PDE1C: variants seen among roughly 807,000 people sequenced by gnomAD.
PDE1C encodes phosphodiesterase 1C, also known as dual specificity calcium/calmodulin-dependent 3',5'-cyclic nucleotide phosphodiesterase 1C.
PDE1C carries 62 observed loss-of-function variants against 93.1 expected under a neutral mutation model. That is an observed-to-expected ratio of 0.67 (90% CI 0.54 to 0.82). PDE1C has a LOEUF of 0.82. PDE1C is among the 40% of genes least tolerant of loss of function. PDE1C has a pLI of 0.00. For synonymous variants in PDE1C, 325 were observed against 310.1 expected, an observed-to-expected ratio of 1.05 and a Z score of -0.50; for missense variants, 742 against 884.6, an observed-to-expected ratio of 0.84 and a Z score of 2.04.
At chr7:31,981,302 G>T (rs576471035) in intron 2 of PDE1C, among the ~76,000 whole-genome samples, 127 of 152,230 alleles carry the variant, frequency 8.3e-4, no homozygotes, top group Middle Eastern at 3.4e-3. Flanking sequence ...TTGCATTTGT[G>T]TACTTATATA....
At chr7:31,851,014 A>G in intron 7 of PDE1C, 1 of 360,852 alleles carries the variant, frequency 2.8e-6, no homozygotes. Context: ...AGACTTGAAA[A>G]GCCCTCATTG....
chr7:32,021,755 C>A (rs752580735), intron 2 of PDE1C, among the ~76,000 whole-genome samples: 2 of 151,928 alleles, frequency 1.3e-5, no homozygotes, highest in Non-Finnish European at 2.9e-5. Flanking sequence ...CACAGGTAGA[C>A]AATAATTTTC....
At chr7:31,745,864 A>C in the PDE1C span, among the ~76,000 whole-genome samples, 1 of 152,208 alleles carries the variant, frequency 6.6e-6, no homozygotes, top group Non-Finnish European at 1.5e-5. Flanking sequence ...TTTTTGGCTT[A>C]GAATATTTGA....
At chr7:31,768,744 T>C (rs1274297802) in intron 17 of PDE1C, among the ~76,000 whole-genome samples, 1 of 152,140 alleles carries the variant, frequency 6.6e-6, no homozygotes, top group Non-Finnish European at 1.5e-5. Context: ...CTAATTCCTG[T>C]GTCTCATACA....
At chr7:31,981,342 T>C (rs1364170825) in intron 2 of PDE1C, among the ~76,000 whole-genome samples, 1 of 152,228 alleles carries the variant, frequency 6.6e-6, no homozygotes, top group Admixed American at 6.5e-5. Flanking sequence ...TGAAATTTTA[T>C]AGAATTTGAG....
At chr7:31,902,976 A>G (rs1800167075) in intron 2 of PDE1C, among the ~76,000 whole-genome samples, 1 of 151,796 alleles carries the variant, frequency 6.6e-6, no homozygotes, top group Non-Finnish European at 1.5e-5. Flanking sequence ...TTCTGAAATC[A>G]GAATGTTTTG....
In PDE1C at chr7:31,839,806, G is replaced by A. The variant is rs375427908; in HGVS notation, c.981-1835C>T. On this transcript the variant is annotated intron_variant, in intron 9 of 17. Coordinates refer to ENST00000396191, the MANE Select transcript of PDE1C (RefSeq NM_001191057.4). The stretch of plus-strand genomic sequence containing the variant: ...AATCCCAACACTTTGGGAGGCTGAG[G>A]CAGGTGGATCACCTGAGGTCAGGAG... Among the ~76,000 whole-genome samples the A allele has an allele frequency of 6.0e-4, 91 of 152,326 alleles. 3 individuals are homozygous for A. In the South Asian group the frequency reaches 0.014, roughly 23 times the overall value.
chr7:32,018,645 G>T (rs1788237426), intron 2 of PDE1C, among the ~76,000 whole-genome samples: 1 of 152,162 alleles, frequency 6.6e-6, no homozygotes, highest in Non-Finnish European at 1.5e-5. Flanking sequence ...TAGATTAGTG[G>T]TTGTGTAGAG....
chr7:31,641,258 A>G, the PDE1C span, among the ~76,000 whole-genome samples: 1 of 152,126 alleles, frequency 6.6e-6, no homozygotes, highest in African/African-American at 2.4e-5. Flanking sequence ...CCTATTTATC[A>G]CTTAGGTACC....
chr7:32,011,518 G>A (rs1787111968), intron 2 of PDE1C, among the ~76,000 whole-genome samples: 1 of 152,076 alleles, frequency 6.6e-6, no homozygotes, highest in Admixed American at 6.5e-5. Context: ...AATGAGCAAA[G>A]GATTTAAACA....
chr7:32,265,627 T>C lies in PDE1C; in HGVS notation c.85+33024A>G, dbSNP rs774407123. 5.9e-5 allele frequency among the ~76,000 whole-genome samples: 9 copies of C among 152,336 alleles called. No homozygotes were observed. The South Asian group carries it at 1.2e-3, about 21-fold the overall frequency. On this transcript the variant is annotated intron_variant, in intron 1 of 18. Transcript: ENST00000396193. ...TGCCAAAGCTAGGCTACTTTTTAGT[T>C]TCTTTCTGTTTCATGAGTCAAGAAA... is the stretch of plus-strand genomic sequence containing the variant.
chr7:32,058,966 GA>G (rs201751388), intron 1 of PDE1C, among the ~76,000 whole-genome samples: 315 of 136,506 alleles, frequency 2.3e-3, no homozygotes, highest in African/African-American at 6.7e-3. Context: ...TTATAAAATG[GA>G]AAAAAAAAAA....
intron 16 of PDE1C, among the ~76,000 whole-genome samples, chr7:31,798,546 G>T (rs1265127256): frequency 6.6e-6 from 1 of 151,708 alleles, no homozygotes; most frequent in Non-Finnish European, 1.5e-5. Context: ...AACTAGAGTA[G>T]AAGTCTGAAC....
At chr7:32,323,314 G>A (rs976345717) in intron 1 of PDE1C, among the ~76,000 whole-genome samples, 2 of 152,100 alleles carry the variant, frequency 1.3e-5, no homozygotes, top group South Asian at 2.1e-4. Flanking sequence ...CAGATTTCAG[G>A]CTACCAATCA....
At chr7:32,278,337 T>A (rs545943737) in intron 1 of PDE1C, among the ~76,000 whole-genome samples, 100 of 152,180 alleles carry the variant, frequency 6.6e-4, no homozygotes, top group Admixed American at 3.5e-3. Flanking sequence ...AGACAAAGAC[T>A]GGAAAGTCAA....
At position 32,234,954 on chromosome 7, in the gene PDE1C, G is replaced by C. The variant is rs375279164; in HGVS notation, c.86-25415C>G. On this transcript the variant is annotated intron_variant, in intron 1 of 18. Coordinates refer to the PDE1C transcript ENST00000396193. Reference sequence around the variant, plus strand: ...GGAATGCAAGGATGGTTCAGTATTAGAAAATCAATCAATGAATTTCACCAT... The same window carrying C: ...GGAATGCAAGGATGGTTCAGTATTACAAAATCAATCAATGAATTTCACCAT... Among the ~76,000 whole-genome samples, 39 of 152,146 alleles carry C rather than the reference G, an allele frequency of 2.6e-4. No homozygotes were observed. In the South Asian group the frequency reaches 7.9e-3, roughly 31 times the overall value.
intron 1 of PDE1C, among the ~76,000 whole-genome samples, chr7:32,341,189 T>TTTTTTGAAATGGAGTCTCGCTC: frequency 7.7e-6 from 1 of 130,396 alleles, no homozygotes; most frequent in African/African-American, 2.8e-5. Flanking sequence ...TTTTTTTTTT[T>TTTTTTGAAATGGAGTCTCGCTC]TTTTGAGACG....
At chr7:31,659,847 T>C in the PDE1C span, among the ~76,000 whole-genome samples, 8 of 152,292 alleles carry the variant, frequency 5.3e-5, no homozygotes, top group African/African-American at 1.9e-4. Context: ...TAACATCTGA[T>C]AATAACAGTA....
chr7:31,926,808 C>A (rs1179543662), intron 2 of PDE1C, among the ~76,000 whole-genome samples: 3 of 144,502 alleles, frequency 2.1e-5, no homozygotes, highest in African/African-American at 7.3e-5. Context: ...CCAGGAGATT[C>A]CTGGTCTCAT....
Sources: allele counts gnomAD v4.1 joint callset (sites outside exome capture counted in the v4.1 genomes callset), GRCh38; gene constraint gnomAD v4.1.1; transcripts MANE v1.5; gene names NCBI Gene and HGNC (gene_info 2026-07-23, HGNC 2026-07-21).